PDE1C: variants seen among roughly 807,000 people sequenced by gnomAD.
PDE1C encodes the protein phosphodiesterase 1C.
A neutral mutation model predicts 93.1 loss-of-function variants in PDE1C; 62 were observed. The ratio of observed to expected loss-of-function variants is 0.67; its 90% confidence interval spans 0.54 to 0.82. The LOEUF (loss-of-function observed/expected upper bound fraction) is 0.82. Among genes scored for constraint, PDE1C ranks in the 40% least tolerant of loss-of-function variants. The pLI is 0.00. For missense variants in PDE1C, 742 were observed against 884.6 expected (o/e 0.84, Z 2.04); for synonymous variants, 325 against 310.1 (o/e 1.05, Z -0.50).
rs73102522 is a variant in PDE1C, at chr7:32,132,236, C to T, written c.308+37549G>A. On this transcript the variant is annotated intron_variant, in intron 3 of 18. Transcript: ENST00000396193. ...TGGAGCCCAGTGAGCAAGCAGCAAA[C>T]GGGATCCAGGTGGGAGCCAGCCATG... 7.0e-3 allele frequency among the ~76,000 whole-genome samples: 1,063 copies of T among 152,210 alleles called. 6 individuals carry two copies. Among genetic ancestry groups the T allele is most frequent in the Non-Finnish European group, 0.011 (748 of 68,008 alleles).
intron 9 of PDE1C, among the ~76,000 whole-genome samples, chr7:31,846,233 CTTT>C (rs371624212): frequency 7.7e-6 from 1 of 129,950 alleles, no homozygotes. Context: ...CTTTTTTTTT[CTTT>C]TTTTTTTTTT....
chr7:31,652,571 A>G, the PDE1C span: 6 of 1,611,124 alleles, frequency 3.7e-6, no homozygotes, highest in Non-Finnish European at 5.1e-6. Flanking sequence ...ATCTGCATCA[A>G]TATAACTGGA....
chr7:31,881,495 T>A (rs1033614473), intron 2 of PDE1C, among the ~76,000 whole-genome samples: 2 of 152,202 alleles, frequency 1.3e-5, no homozygotes, highest in African/African-American at 4.8e-5. Flanking sequence ...AACATGTTTT[T>A]TCTGTTATTT....
chr7:32,098,598 C>T (rs1354173149), intron 3 of PDE1C, among the ~76,000 whole-genome samples: 1 of 152,190 alleles, frequency 6.6e-6, no homozygotes, highest in Admixed American at 6.5e-5. Context: ...TGACAATCCA[C>T]ATTTAACTGA....
Position 32,307,679 on chromosome 7 carries a change from G to C in PDE1C, c.311-98140C>G, listed in dbSNP as rs1384489945. ...AGTTGGAACCTTTCTACCTTATTAA[G>C]CCCAGGTTCACACGATCAAAGCACC... On this transcript the variant is annotated intron_variant, in intron 1 of 1. Coordinates refer to the PDE1C transcript ENST00000672256. Among the ~76,000 whole-genome samples the C allele has an allele frequency of 3.9e-5, 6 of 152,184 alleles. No homozygotes were observed. In the East Asian group the frequency reaches 1.2e-3, roughly 29 times the overall value.
At chr7:32,068,539 T>A (rs1346043189) in intron 1 of PDE1C, among the ~76,000 whole-genome samples, 2 of 152,206 alleles carry the variant, frequency 1.3e-5, no homozygotes, top group Non-Finnish European at 2.9e-5. Flanking sequence ...AGCACTAGGT[T>A]CTGAGTAGAT....
At chr7:31,664,886 C>T in the PDE1C span, among the ~76,000 whole-genome samples, 3,421 of 152,216 alleles carry the variant, frequency 0.022, 133 homozygotes, top group African/African-American at 0.077. Context: ...TTCCTTTATC[C>T]ACTTGCCACT....
At chr7:31,928,026 G>T (rs998439930) in intron 2 of PDE1C, among the ~76,000 whole-genome samples, 1 of 152,012 alleles carries the variant, frequency 6.6e-6, no homozygotes, top group African/African-American at 2.4e-5. Flanking sequence ...CCAATGCAAG[G>T]AAGCTAAGAA....
chr7:31,875,548 C>T (rs922173451), intron 5 of PDE1C, among the ~76,000 whole-genome samples: 90 of 151,954 alleles, frequency 5.9e-4, no homozygotes, highest in African/African-American at 1.8e-3. Flanking sequence ...AACCATTCTT[C>T]CTCATTCACC....
intron 3 of PDE1C, among the ~76,000 whole-genome samples, chr7:32,126,308 G>C (rs575810846): frequency 5.9e-5 from 9 of 152,136 alleles, no homozygotes; most frequent in Non-Finnish European, 2.9e-5. Flanking sequence ...TTATATAAAT[G>C]GGAAACTGAG....
At chr7:31,642,674 C>T in the PDE1C span, 4 of 1,611,686 alleles carry the variant, frequency 2.5e-6, 1 homozygote, top group Middle Eastern at 5.0e-4. Flanking sequence ...TCCTGGTTTC[C>T]CCTACAGATG....
chr7:32,203,344 G>T (rs1314649740), intron 2 of PDE1C, among the ~76,000 whole-genome samples: 9 of 151,968 alleles, frequency 5.9e-5, no homozygotes, highest in Admixed American at 5.9e-4. Context: ...CACTGTCTCG[G>T]ACATGATTTT....
At chr7:31,966,948 A>G (rs1043106749) in intron 2 of PDE1C, among the ~76,000 whole-genome samples, 19 of 152,118 alleles carry the variant, frequency 1.2e-4, no homozygotes, top group Non-Finnish European at 1.8e-4. Context: ...TCTCTGGGAC[A>G]CATTCAAAGC....
At chr7:32,188,107 T>C (rs1367137878) in intron 2 of PDE1C, among the ~76,000 whole-genome samples, 1 of 152,188 alleles carries the variant, frequency 6.6e-6, no homozygotes, top group African/African-American at 2.4e-5. Flanking sequence ...GCTATTTGCA[T>C]GCTGTAGAAG....
intron 3 of PDE1C, among the ~76,000 whole-genome samples, chr7:32,133,134 G>A (rs1311006747): frequency 6.6e-6 from 1 of 152,056 alleles, no homozygotes; most frequent in Non-Finnish European, 1.5e-5. Flanking sequence ...GGTGCAGGTG[G>A]GATGGGCAAA....
the PDE1C span, among the ~76,000 whole-genome samples, chr7:31,663,260 T>C: frequency 6.6e-6 from 1 of 152,024 alleles, no homozygotes; most frequent in East Asian, 1.9e-4. Flanking sequence ...GACAAAAGAG[T>C]CTACAGAGCC....
At chr7:32,086,014 C>T (rs1169663595) in intron 3 of PDE1C, among the ~76,000 whole-genome samples, 1 of 151,542 alleles carries the variant, frequency 6.6e-6, no homozygotes, top group East Asian at 1.9e-4. Flanking sequence ...GGCAATCAGG[C>T]AGGAGAAGGA....
intron 1 of PDE1C, among the ~76,000 whole-genome samples, chr7:32,225,650 C>A (rs891578627): frequency 1.3e-5 from 2 of 152,126 alleles, no homozygotes; most frequent in African/African-American, 4.8e-5. Flanking sequence ...TACATTCCCT[C>A]GGCTCATCTT....
chr7:31,896,651 T>C (rs374326480), intron 2 of PDE1C, among the ~76,000 whole-genome samples: 4 of 152,340 alleles, frequency 2.6e-5, no homozygotes, highest in South Asian at 4.1e-4. Context: ...CTAAATCCAG[T>C]GCAATGATTC....
Sources: allele counts gnomAD v4.1 joint callset (sites outside exome capture counted in the v4.1 genomes callset), GRCh38; gene constraint gnomAD v4.1.1; transcripts MANE v1.5; gene names NCBI Gene and HGNC (gene_info 2026-07-23, HGNC 2026-07-21).